Variants in ERBB4 observed in about 807,000 individuals in gnomAD.
The protein encoded by ERBB4 is receptor tyrosine-protein kinase erbB-4.
In ERBB4, 42 loss-of-function variants were observed where a neutral mutation model predicts 158.0. The ratio of observed to expected loss-of-function variants is 0.27; its 90% confidence interval spans 0.21 to 0.34. The LOEUF (loss-of-function observed/expected upper bound fraction) is 0.34. Among genes scored for constraint, ERBB4 ranks in the 10% least tolerant of loss-of-function variants. The probability of loss-of-function intolerance (pLI) is 1.00; values close to 1 mark genes in which losing one functional copy is unlikely to be tolerated. For missense variants in ERBB4, 1,333 were observed against 1,624.1 expected, an observed-to-expected ratio of 0.82 and a Z score of 3.08; for synonymous variants, 583 against 558.7, an observed-to-expected ratio of 1.04 and a Z score of -0.61.
intron 3 of ERBB4, among the ~76,000 whole-genome samples, chr2:211,842,651 A>C (rs1044660428): frequency 4.6e-5 from 7 of 152,082 alleles, no homozygotes; most frequent in African/African-American, 1.7e-4. Flanking sequence ...ATTCAGGAAT[A>C]GTCTTTGAAA....
chr2:212,250,440 G>T (rs754053694), intron 1 of ERBB4, among the ~76,000 whole-genome samples: 11 of 151,800 alleles, frequency 7.2e-5, no homozygotes, highest in Admixed American at 1.3e-4. Flanking sequence ...GACTTTTTAT[G>T]GTAGTTTTGG....
At chr2:212,167,761 T>TA (rs907928361) in intron 1 of ERBB4, among the ~76,000 whole-genome samples, 10 of 151,994 alleles carry the variant, frequency 6.6e-5, no homozygotes, top group Non-Finnish European at 1.3e-4. Flanking sequence ...TATGCAGCCA[T>TA]AAAAAAGATG....
chr2:211,425,764 C>T (rs1410750494), intron 22 of ERBB4, among the ~76,000 whole-genome samples: 1 of 152,112 alleles, frequency 6.6e-6, no homozygotes, highest in African/African-American at 2.4e-5. Flanking sequence ...TCACTGCACC[C>T]TCAACTTCCC....
intron 1 of ERBB4, among the ~76,000 whole-genome samples, chr2:212,460,712 T>G (rs1196710863): frequency 6.6e-6 from 1 of 152,198 alleles, no homozygotes; most frequent in African/African-American, 2.4e-5. Flanking sequence ...GCATACAATT[T>G]CAGAAAATTT....
chr2:212,331,837 G>A (rs13029034), intron 1 of ERBB4, among the ~76,000 whole-genome samples: 11,998 of 151,874 alleles, frequency 0.079, 645 homozygotes, highest in African/African-American at 0.15. Context: ...TATTAAATAG[G>A]AATTTATTTG....
At chr2:211,838,444 C>T (rs892553255) in intron 3 of ERBB4, among the ~76,000 whole-genome samples, 8 of 152,068 alleles carry the variant, frequency 5.3e-5, no homozygotes, top group African/African-American at 1.9e-4. Flanking sequence ...GAATATTTTC[C>T]ACTTATTACT....
intron 12 of ERBB4, among the ~76,000 whole-genome samples, chr2:211,687,481 G>A (rs1434877483): frequency 1.6e-5 from 2 of 127,082 alleles, no homozygotes; most frequent in African/African-American, 5.3e-5. Flanking sequence ...TCTCTTTTGC[G>A]AGCTTGACTG....
intron 2 of ERBB4, among the ~76,000 whole-genome samples, chr2:212,122,281 G>T (rs557771147): frequency 2.6e-5 from 4 of 151,992 alleles, no homozygotes; most frequent in Non-Finnish European, 4.4e-5. Context: ...ACTTGGGATT[G>T]CAGATATGTT....
At chr2:212,079,488 GACTA>G (rs1575604226) in intron 2 of ERBB4, among the ~76,000 whole-genome samples, 1 of 152,086 alleles carries the variant, frequency 6.6e-6, no homozygotes, top group East Asian at 1.9e-4. Flanking sequence ...TTTGCTGAAT[GACTA>G]ACTCCTTATT....
rs114876260 is a variant in ERBB4, at chr2:211,503,409, C to G, written c.2487+58494G>C. Among the ~76,000 whole-genome samples, 887 of 152,230 alleles carry G rather than the reference C, an allele frequency of 5.8e-3. 15 individuals are homozygous for G. The highest frequency in any genetic ancestry group is 0.02 in the African/African-American group (840 of 41,554). On this transcript the variant is annotated intron_variant, in intron 20 of 27. Coordinates refer to ENST00000342788, the MANE Select transcript of ERBB4 (RefSeq NM_005235.3). ...TGAGGAGCATCTGAACCACATGTCC[C>G]CAGGCCCGCCAGTTTCTCCCAAGAC...
chr2:212,319,482 G>C (rs2087458606), intron 1 of ERBB4, among the ~76,000 whole-genome samples: 1 of 150,400 alleles, frequency 6.6e-6, no homozygotes, highest in Non-Finnish European at 1.5e-5. Context: ...AAACATTCAA[G>C]TCAGTTTAAT....
chr2:212,437,943 C>T lies in ERBB4; in HGVS notation c.82+100506G>A, dbSNP rs188537769. On this transcript the variant is annotated intron_variant, in intron 1 of 27. Transcript: ENST00000342788. Reference sequence around the variant, plus strand: ...ATCACAATCACTCTCTGGTTCCTCACAGTACCTACTCATTCTCTAGTTCTG... The same window carrying T: ...ATCACAATCACTCTCTGGTTCCTCATAGTACCTACTCATTCTCTAGTTCTG... Among the ~76,000 whole-genome samples the T allele has an allele frequency of 7.2e-5, 11 of 152,226 alleles. No homozygotes were observed. In the East Asian group the frequency reaches 1.9e-3, roughly 27 times the overall value.
intron 1 of ERBB4, among the ~76,000 whole-genome samples, chr2:212,303,084 T>G (rs1392555781): frequency 6.6e-6 from 1 of 151,436 alleles, no homozygotes; most frequent in African/African-American, 2.4e-5. Flanking sequence ...TGGAGGAAGA[T>G]TCACATTTGC....
At chr2:212,072,557 G>T (rs1188632310) in intron 2 of ERBB4, among the ~76,000 whole-genome samples, 1 of 151,934 alleles carries the variant, frequency 6.6e-6, no homozygotes, top group Non-Finnish European at 1.5e-5. Flanking sequence ...ATGTATACTT[G>T]CCAAAGCAAG....
At chr2:211,482,230 T>A (rs956545846) in intron 20 of ERBB4, among the ~76,000 whole-genome samples, 3 of 152,180 alleles carry the variant, frequency 2.0e-5, no homozygotes, top group Non-Finnish European at 4.4e-5. Flanking sequence ...CAAACCCAGG[T>A]GAAGAATCAT....
At chr2:211,516,090 A>AT (rs1163618874) in intron 20 of ERBB4, among the ~76,000 whole-genome samples, 9 of 148,782 alleles carry the variant, frequency 6.0e-5, no homozygotes, top group Non-Finnish European at 1.0e-4. Flanking sequence ...AATTTTTTGT[A>AT]TTTTTTTAGT....
At chr2:212,051,931 C>T (rs1396799892) in intron 2 of ERBB4, among the ~76,000 whole-genome samples, 1 of 152,096 alleles carries the variant, frequency 6.6e-6, no homozygotes, top group African/African-American at 2.4e-5. Context: ...GACCTTAACA[C>T]TTATATAATT....
At chr2:211,767,450 T>C (rs1338954206) in intron 4 of ERBB4, among the ~76,000 whole-genome samples, 1 of 152,234 alleles carries the variant, frequency 6.6e-6, no homozygotes, top group East Asian at 1.9e-4. Context: ...ACTCAATATA[T>C]AATTTTATTT....
At chr2:211,704,245 T>C in intron 10 of ERBB4, 51 bp from the exon 11 acceptor site, 1 of 1,140,836 alleles carries the variant, frequency 8.8e-7, no homozygotes. Flanking sequence ...GTCTTAGTAT[T>C]AGTGCTGATT....
Sources: allele counts gnomAD v4.1 joint callset (sites outside exome capture counted in the v4.1 genomes callset), GRCh38; gene constraint gnomAD v4.1.1; transcripts MANE v1.5; gene names NCBI Gene and HGNC (gene_info 2026-07-23, HGNC 2026-07-21).